Variants in TANC1 observed in about 807,000 individuals in gnomAD.
The protein encoded by TANC1 is tetratricopeptide repeat, ankyrin repeat and coiled-coil containing 1, also known as protein TANC1.
In TANC1, 77 loss-of-function variants were observed where a neutral mutation model predicts 149.7. That is an observed-to-expected ratio of 0.51 (90% CI 0.43 to 0.62). TANC1 has a LOEUF of 0.62. Among genes scored for constraint, TANC1 ranks in the 20% least tolerant of loss-of-function variants. TANC1 has a pLI of 0.00. For missense variants in TANC1, 1,985 were observed against 2,321.8 expected (o/e 0.85, Z 2.98); for synonymous variants, 854 against 925.0 (o/e 0.92, Z 1.39).
intron 3 of TANC1, among the ~76,000 whole-genome samples, chr2:159,089,792 G>C (rs1355686397): frequency 6.6e-6 from 1 of 152,196 alleles, no homozygotes; most frequent in Non-Finnish European, 1.5e-5. Context: ...AACCTTCAGA[G>C]CAGGGCACTG....
At chr2:159,060,917 G>A (rs1167626070) in intron 2 of TANC1, among the ~76,000 whole-genome samples, 2 of 152,094 alleles carry the variant, frequency 1.3e-5, no homozygotes, top group Non-Finnish European at 2.9e-5. Flanking sequence ...TATTTTATAT[G>A]CCAACACAAC....
chr2:159,136,063 TTTAAGG>T, intron 4 of TANC1, 125 bp from the exon 5 acceptor site: 1 of 534,916 alleles, frequency 1.9e-6, no homozygotes, highest in Non-Finnish European at 3.4e-6. Context: ...CGCGCGCGCG[TTTAAGG>T]GAGGGGAAGG....
chr2:158,972,608 C>T (rs1440817398), intron 1 of TANC1, among the ~76,000 whole-genome samples: 2 of 152,202 alleles, frequency 1.3e-5, no homozygotes, highest in Non-Finnish European at 2.9e-5. Context: ...ATGTGTTAAG[C>T]TGTAGGCTCT....
intron 7 of TANC1, among the ~76,000 whole-genome samples, chr2:159,160,498 CTCT>C (rs1185908149): frequency 6.6e-6 from 1 of 152,182 alleles, no homozygotes; most frequent in Non-Finnish European, 1.5e-5. Flanking sequence ...AACCAGCTTT[CTCT>C]TCTTGGGGAC....
At chr2:159,097,503 G>C (rs1186936707) in intron 3 of TANC1, 134 bp from the exon 4 acceptor site, 2 of 704,606 alleles carry the variant, frequency 2.8e-6, no homozygotes, top group Non-Finnish European at 4.7e-6. Context: ...TGGGGGAAAA[G>C]TCATTTAAAA....
At position 159,194,436 on chromosome 2, in the gene TANC1, C is replaced by T. The variant is rs771366025; in HGVS notation, c.2922C>T (p.Tyr974=). The change falls in exon 17 of 27, where the codon TAC becomes TAT. Residue 974 remains tyrosine (Y), a synonymous_variant. Transcript: ENST00000263635. Reference sequence around the variant, plus strand: ...AGAACGGCATGACTGCCCTCTGTTACGCAGCAGCTGCTGGCCACATGAAGC... The same window carrying T: ...AGAACGGCATGACTGCCCTCTGTTATGCAGCAGCTGCTGGCCACATGAAGC... ...TSENGMTALC[Y]AAAAGHMKLV... The T allele has an allele frequency of 2.7e-5, 43 of 1,614,152 alleles. No individual in the cohort carries two copies. Among genetic ancestry groups the T allele is most frequent in the East Asian group, 6.7e-5 (3 of 44,896 alleles).
intron 4 of TANC1, among the ~76,000 whole-genome samples, chr2:159,112,666 C>T (rs1375346245): frequency 6.6e-6 from 1 of 151,166 alleles, no homozygotes; most frequent in East Asian, 1.9e-4. Flanking sequence ...CTCCTGGGCT[C>T]CTGGGTGTAA....
intron 2 of TANC1, among the ~76,000 whole-genome samples, chr2:159,031,672 A>T (rs2039791683): frequency 6.6e-6 from 1 of 152,252 alleles, no homozygotes. Flanking sequence ...AGAAATAAAT[A>T]TATAAATCAG....
At position 159,231,782 on chromosome 2, in the gene TANC1, G is replaced by A. The variant is rs1365555827; in HGVS notation, c.*770G>A. On this transcript the variant is annotated 3_prime_UTR_variant, in exon 27 of 27. Coordinates refer to ENST00000263635, the MANE Select transcript of TANC1 (RefSeq NM_033394.3). Reference sequence around the variant, plus strand: ...TACTAAGACCAGCATTCTTAGTGGCGCTTATAAATTAGCTCTCACCTGGTT... The same window carrying A: ...TACTAAGACCAGCATTCTTAGTGGCACTTATAAATTAGCTCTCACCTGGTT... 2.0e-5 allele frequency: 3 copies of A among 152,114 alleles called. No individual in the cohort carries two copies. Among genetic ancestry groups the A allele is most frequent in the Admixed American group, 6.5e-5 (1 of 15,270 alleles). 9.4% of individuals were successfully genotyped at this position (152,114 alleles called of 1,614,324 possible).
rs2058408107 is a variant in TANC1, at chr2:159,203,668, G to T, written c.3244+4615G>T. Among the ~76,000 whole-genome samples the T allele has an allele frequency of 1.3e-5, 2 of 152,108 alleles. 1 individual carries two copies. The highest frequency in any genetic ancestry group is 4.8e-5 in the African/African-American group (2 of 41,418). On this transcript the variant is annotated intron_variant, in intron 19 of 26. Coordinates refer to ENST00000263635, the MANE Select transcript of TANC1 (RefSeq NM_033394.3). ...GCAGCATCTGCCTCCCCACACTCAG[G>T]TGCTCCTCCCACCTTGGGCTCCTGA...
rs535880350 is a variant in TANC1, at chr2:159,211,106, G to T, written c.3245-6391G>T. On this transcript the variant is annotated intron_variant, in intron 19 of 26. Coordinates refer to ENST00000263635, the MANE Select transcript of TANC1 (RefSeq NM_033394.3). ...GGCTGGTCTTGAACTCCTGACCTCA[G>T]GTGACTTGCCCGCCACAGCCTCCCA... is the stretch of plus-strand genomic sequence containing the variant. Among the ~76,000 whole-genome samples the T allele has an allele frequency of 6.1e-5, 9 of 148,436 alleles. No homozygotes were observed. In the South Asian group the frequency reaches 1.9e-3, roughly 32 times the overall value.
chr2:158,996,002 C>G (rs2036099654), intron 1 of TANC1, among the ~76,000 whole-genome samples: 1 of 152,188 alleles, frequency 6.6e-6, no homozygotes, highest in Admixed American at 6.5e-5. Flanking sequence ...TAAGGTTTTC[C>G]ACACAGCAGT....
intron 7 of TANC1, among the ~76,000 whole-genome samples, chr2:159,161,121 G>C (rs1182196253): frequency 1.3e-5 from 2 of 152,188 alleles, no homozygotes; most frequent in African/African-American, 4.8e-5. Context: ...CTGAGGTCCT[G>C]ATTGCAGTGC....
chr2:159,023,481 C>T (rs191132785), intron 2 of TANC1, among the ~76,000 whole-genome samples: 50 of 152,042 alleles, frequency 3.3e-4, no homozygotes, highest in Non-Finnish European at 4.1e-4. Flanking sequence ...GCTGGGACCA[C>T]AGGCACATAC....
chr2:159,171,584 A>G (rs1239956313), intron 10 of TANC1, among the ~76,000 whole-genome samples: 1 of 152,116 alleles, frequency 6.6e-6, no homozygotes, highest in African/African-American at 2.4e-5. Flanking sequence ...GGATTGTGCC[A>G]CTGCCCTCAT....
At chr2:159,084,570 G>C (rs1429295111) in intron 3 of TANC1, among the ~76,000 whole-genome samples, 1 of 152,188 alleles carries the variant, frequency 6.6e-6, no homozygotes, top group East Asian at 1.9e-4. Flanking sequence ...TTGGCAGACA[G>C]CTTTGCTGAC....
intron 3 of TANC1, 113 bp downstream of exon 3, chr2:159,066,084 G>T: frequency 1.2e-6 from 1 of 822,064 alleles, no homozygotes; most frequent in Non-Finnish European, 2.2e-6. Flanking sequence ...GGTTACCTGG[G>T]TTAGAACAAA....
intron 1 of TANC1, among the ~76,000 whole-genome samples, chr2:158,987,179 A>ACTCCAGCCTGGGTGAC (rs2035095236): frequency 6.9e-6 from 1 of 144,930 alleles, no homozygotes; most frequent in African/African-American, 2.5e-5. Flanking sequence ...GCGCCACTGC[A>ACTCCAGCCTGGGTGAC]CTCCAGCCTG....
intron 8 of TANC1, among the ~76,000 whole-genome samples, chr2:159,165,138 G>C (rs2054456450): frequency 6.6e-6 from 1 of 152,184 alleles, no homozygotes; most frequent in Non-Finnish European, 1.5e-5. Flanking sequence ...AAACATTACT[G>C]TGTTAATTTT....
Sources: allele counts gnomAD v4.1 joint callset (sites outside exome capture counted in the v4.1 genomes callset), GRCh38; gene constraint gnomAD v4.1.1; transcripts MANE v1.5; gene names NCBI Gene and HGNC (gene_info 2026-07-23, HGNC 2026-07-21).